RAB38: variants seen among roughly 807,000 people sequenced by gnomAD.
RAB38 encodes the protein ras-related protein Rab-38.
RAB38 carries 15 observed loss-of-function variants against 18.4 expected under a neutral mutation model. The observed-to-expected ratio is 0.82, with a 90% CI of 0.55 to 1.26. RAB38 has a LOEUF of 1.26. RAB38 is among the 50% of genes most tolerant of loss of function. The probability of loss-of-function intolerance (pLI) is 0.00; values close to 1 mark genes in which losing one functional copy is unlikely to be tolerated. For missense variants in RAB38, 294 were observed against 267.4 expected (o/e 1.10, Z -0.69); for synonymous variants, 101 against 104.4 (o/e 0.97, Z 0.20).
At chr11:87,919,958 T>G in the RAB38 span, among the ~76,000 whole-genome samples, 29 of 152,116 alleles carry the variant, frequency 1.9e-4, no homozygotes, top group East Asian at 5.1e-3. Context: ...GACAAATGTA[T>G]TTCTGTGGCA....
At chr11:87,964,628 A>T in the RAB38 span, among the ~76,000 whole-genome samples, 1 of 152,244 alleles carries the variant, frequency 6.6e-6, no homozygotes, top group East Asian at 1.9e-4. Flanking sequence ...AATCAATGAG[A>T]AATACATCTT....
chr11:88,129,354 G>C (rs988915532), intron 2 of RAB38, among the ~76,000 whole-genome samples: 1 of 152,068 alleles, frequency 6.6e-6, no homozygotes, highest in South Asian at 2.1e-4. Context: ...TACAGTTTAA[G>C]AAATGGCTGG....
the RAB38 span, among the ~76,000 whole-genome samples, chr11:88,060,818 C>T: frequency 5.3e-5 from 8 of 152,184 alleles, no homozygotes; most frequent in African/African-American, 1.9e-4. Context: ...TAATGCTAGG[C>T]TAGGGAAAAA....
chr11:87,912,922 A>T, the RAB38 span, among the ~76,000 whole-genome samples: 1 of 151,708 alleles, frequency 6.6e-6, no homozygotes, highest in African/African-American at 2.4e-5. Flanking sequence ...ATGTAGGCAC[A>T]TCTCTTAAAT....
chr11:88,111,480 T>C (rs969036902), downstream of RAB38, among the ~76,000 whole-genome samples: 1 of 152,188 alleles, frequency 6.6e-6, no homozygotes, highest in Admixed American at 6.5e-5. Flanking sequence ...CTATGTCTTC[T>C]GGTAGAAGTA....
the RAB38 span, among the ~76,000 whole-genome samples, chr11:88,029,669 A>G: frequency 6.6e-6 from 1 of 152,162 alleles, no homozygotes; most frequent in East Asian, 1.9e-4. Flanking sequence ...CAATTCAACA[A>G]GAAGAGGTAA....
chr11:87,951,215 G>C, the RAB38 span, among the ~76,000 whole-genome samples: 1 of 152,080 alleles, frequency 6.6e-6, no homozygotes, highest in South Asian at 2.1e-4. Flanking sequence ...CATAGCTCTC[G>C]TGCCTTGGTT....
the RAB38 span, among the ~76,000 whole-genome samples, chr11:88,040,536 T>A: frequency 6.6e-6 from 1 of 152,092 alleles, no homozygotes; most frequent in East Asian, 1.9e-4. Context: ...TGAAAACCCA[T>A]CTCTACAGAA....
the RAB38 span, among the ~76,000 whole-genome samples, chr11:87,853,959 C>T: frequency 6.6e-6 from 1 of 152,202 alleles, no homozygotes; most frequent in East Asian, 1.9e-4. Flanking sequence ...TTTCTAGAGG[C>T]CATCTGGGAT....
the RAB38 span, among the ~76,000 whole-genome samples, chr11:88,070,085 C>T: frequency 6.6e-6 from 1 of 152,140 alleles, no homozygotes. Flanking sequence ...AAGCTTTGTT[C>T]TTTTGCTCTT....
the RAB38 span, among the ~76,000 whole-genome samples, chr11:87,921,888 A>G: frequency 1.7e-4 from 26 of 152,122 alleles, no homozygotes; most frequent in East Asian, 4.9e-3. Flanking sequence ...GAGATGATCT[A>G]GTCTTCTAAG....
chr11:87,947,774 GT>G, the RAB38 span, among the ~76,000 whole-genome samples: 1 of 152,190 alleles, frequency 6.6e-6, no homozygotes, highest in South Asian at 2.1e-4. Flanking sequence ...GTACCATGCT[GT>G]TTTGGTTTGG....
the RAB38 span, among the ~76,000 whole-genome samples, chr11:87,942,110 T>G: frequency 6.6e-6 from 1 of 152,198 alleles, no homozygotes; most frequent in Non-Finnish European, 1.5e-5. Context: ...AATGATCTCT[T>G]CATTTTCTGA....
the RAB38 span, among the ~76,000 whole-genome samples, chr11:88,004,914 G>T: frequency 1.3e-5 from 2 of 151,014 alleles, no homozygotes; most frequent in South Asian, 4.2e-4. Context: ...AAACCTACAG[G>T]GTTAGATTGA....
At chr11:88,068,524 C>T in the RAB38 span, among the ~76,000 whole-genome samples, 3 of 152,142 alleles carry the variant, frequency 2.0e-5, no homozygotes, top group Non-Finnish European at 4.4e-5. Flanking sequence ...ATTGCATTTA[C>T]ACTATACATT....
At chr11:88,066,372 T>G in the RAB38 span, among the ~76,000 whole-genome samples, 1 of 152,140 alleles carries the variant, frequency 6.6e-6, no homozygotes, top group Non-Finnish European at 1.5e-5. Context: ...AGCTAAACAT[T>G]TTGGGATAGA....
At chr11:87,975,326 G>C in the RAB38 span, among the ~76,000 whole-genome samples, 1 of 151,884 alleles carries the variant, frequency 6.6e-6, no homozygotes, top group African/African-American at 2.4e-5. Context: ...CTACAATCCA[G>C]AATTCTACAT....
the RAB38 span, among the ~76,000 whole-genome samples, chr11:88,078,983 T>C: frequency 6.6e-6 from 1 of 151,878 alleles, no homozygotes; most frequent in South Asian, 2.1e-4. Context: ...AATTATCACA[T>C]GTACCCTGAA....
the RAB38 span, among the ~76,000 whole-genome samples, chr11:87,854,489 A>G: frequency 2.0e-5 from 3 of 152,162 alleles, no homozygotes; most frequent in African/African-American, 7.2e-5. Flanking sequence ...CTTAACACAT[A>G]AAGATTTAGA....
Sources: gnomAD v4.1 joint callset for allele counts (sites outside exome capture counted in the v4.1 genomes callset) on GRCh38, gnomAD v4.1.1 for gene constraint, MANE v1.5 for transcripts, NCBI Gene and HGNC (gene_info 2026-07-23, HGNC 2026-07-21) for gene names.